MGAM: variants seen among roughly 807,000 people sequenced by gnomAD.
MGAM encodes the protein alpha-1,4-glucosidase.
In MGAM, 253 loss-of-function variants were observed where a neutral mutation model predicts 358.8. The ratio of observed to expected loss-of-function variants is 0.71; its 90% confidence interval spans 0.64 to 0.78. The LOEUF is 0.78. Ranked by LOEUF, MGAM falls within the 30% of genes least tolerant of loss-of-function variation. MGAM has a pLI of 0.00. For missense variants in MGAM, 3,080 were observed against 3,432.6 expected, an observed-to-expected ratio of 0.90 and a Z score of 2.57; for synonymous variants, 1,105 against 1,227.1, an observed-to-expected ratio of 0.90 and a Z score of 2.08.
intron 36 of MGAM, 114 bp downstream of exon 36, chr7:142,063,700 G>C (rs997277274): frequency 8.3e-7 from 1 of 1,209,388 alleles, no homozygotes; most frequent in African/African-American, 1.5e-5. Context: ...TGGCTGCTGT[G>C]GTTTACTGGG....
intron 8 of MGAM, among the ~76,000 whole-genome samples, chr7:142,026,159 T>G (rs372472390): frequency 4.6e-5 from 7 of 152,210 alleles, no homozygotes; most frequent in African/African-American, 1.7e-4. Context: ...GAATGGTGAT[T>G]GGCACATAGA....
upstream of MGAM, among the ~76,000 whole-genome samples, chr7:141,995,608 T>A (rs782194930): frequency 6.6e-5 from 10 of 152,166 alleles, no homozygotes; most frequent in Non-Finnish European, 1.3e-4. Flanking sequence ...TGTGTTCTCT[T>A]ACCAGACATA....
chr7:142,065,952 TGTTTTGTTTTG>T (rs1812705984), intron 40 of MGAM, 121 bp downstream of exon 40: 1 of 677,560 alleles, frequency 1.5e-6, no homozygotes, highest in African/African-American at 2.2e-5. Flanking sequence ...TGTTTTTTTT[TGTTTTGTTTTG>T]TTTTGTTTTT....
Position 142,041,974 on chromosome 7 carries a change from A to C in MGAM, c.2498+1128A>C, listed in dbSNP as rs1351627572. 2.6e-4 allele frequency among the ~76,000 whole-genome samples: 7 copies of C among 26,422 alleles called. 1 individual carries two copies. The highest frequency in any genetic ancestry group is 4.8e-4 in the Non-Finnish European group (7 of 14,544). 17.3% of individuals were successfully genotyped at this position (26,422 alleles called of 152,430 possible). On this transcript the variant is annotated intron_variant, in intron 21 of 70. Transcript: ENST00000475668. Reference sequence around the variant, plus strand: ...CATATATATAATATATATATATTATATATATATAATATAATATATATATAT... The same window carrying C: ...CATATATATAATATATATATATTATCTATATATAATATAATATATATATAT...
At position 142,036,274 on chromosome 7, in the gene MGAM, C is replaced by T. The variant is rs1554465805; in HGVS notation, c.2065C>T (p.Gln689Ter). Residue 689 changes from glutamine (Q) to a stop codon, truncating the protein, a stop_gained, in exon 17 of 71, where the codon CAA (glutamine) becomes TAA (stop). Transcript: ENST00000475668. LOFTEE classifies it high-confidence loss of function. ...TCCGTTTTCTAGAAATCACAATGGC[C>T]AAGGCTACAAGGTAAGGCTCCTAGG... ...FYPFSRNHNG[Q>*]GYKDQDPASF... 1.9e-6 allele frequency: 3 copies of T among 1,603,070 alleles called. No individual in the cohort carries two copies. Among genetic ancestry groups the T allele is most frequent in the Non-Finnish European group, 2.6e-6 (3 of 1,174,004 alleles).
intron 18 of MGAM, among the ~76,000 whole-genome samples, chr7:142,037,870 C>T (rs1184625466): frequency 6.6e-6 from 1 of 152,050 alleles, no homozygotes; most frequent in Non-Finnish European, 1.5e-5. Flanking sequence ...TATCCATCCC[C>T]TCGAGCATTT....
At chr7:141,988,712 TTC>T (rs1391555900) in intron 2 of MGAM, among the ~76,000 whole-genome samples, 1 of 152,224 alleles carries the variant, frequency 6.6e-6, no homozygotes, top group Non-Finnish European at 1.5e-5. Flanking sequence ...ATTCCTAAAA[TTC>T]TCTCTGTACT....
chr7:142,007,662 C>G (rs775374186), intron 2 of MGAM, among the ~76,000 whole-genome samples: 4 of 152,138 alleles, frequency 2.6e-5, no homozygotes, highest in Non-Finnish European at 5.9e-5. Context: ...AAGCTCACCT[C>G]CTTATTTTAG....
chr7:142,018,699 G>A (rs1554457156), intron 3 of MGAM, among the ~76,000 whole-genome samples: 1 of 152,154 alleles, frequency 6.6e-6, no homozygotes, highest in African/African-American at 2.4e-5. Context: ...CTCTGGAGGA[G>A]TTGAGAGACT....
At position 142,056,888 on chromosome 7, in the gene MGAM, C is replaced by T. The variant is rs762583459; in HGVS notation, c.3639C>T (p.Asp1213=). The change falls in exon 30 of 71, where the codon GAC becomes GAT. Residue 1213 remains aspartate, a synonymous_variant. Coordinates refer to ENST00000475668, the MANE Select transcript of MGAM (RefSeq NM_001365693.1). ...ACCGCACCACAGGGGGAGTTCTGGA[C>T]TTTTATGTGTTCTTGGGGCCGACTC... ...LTYRTTGGVL[D]FYVFLGPTPE... 6.8e-6 allele frequency: 11 copies of T among 1,613,862 alleles called. No homozygotes were observed. Among genetic ancestry groups the T allele is most frequent in the Admixed American group, 6.7e-5 (4 of 60,006 alleles).
intron 10 of MGAM, among the ~76,000 whole-genome samples, chr7:142,028,539 A>C (rs1554461784): frequency 1.3e-5 from 2 of 152,176 alleles, no homozygotes; most frequent in Non-Finnish European, 1.5e-5. Context: ...ATGTGACTAC[A>C]TGGATGTGAA....
Position 142,025,030 on chromosome 7 carries a change from T to A in MGAM, c.883-20T>A. The stretch of plus-strand genomic sequence containing the variant: ...AGACTTCTTAGTTGTAAATTTTGGT[T>A]TTTAATTCTCTTTCTGCAGAACGGA... On this transcript the variant is annotated intron_variant, in intron 7 of 70. Transcript: ENST00000475668. 6.2e-7 allele frequency: 1 copy of A among 1,606,298 alleles called. No homozygotes were observed. The highest frequency in any genetic ancestry group is 8.5e-7 in the Non-Finnish European group (1 of 1,173,670).
rs190699321 is a variant in MGAM at position 142,065,716 on chromosome 7, C to T, written c.4655C>T (p.Thr1552Met). Reference protein sequence around the residue: ...MEFSLFGISYTGADICGFFQD... With the variant: ...MEFSLFGISYMGADICGFFQD... Reference sequence around the variant, plus strand: ...TCCTTTTATTTCCTCTTGTTTCAGACGGGAGCAGATATCTGTGGGTTCTTT... The same window carrying T: ...TCCTTTTATTTCCTCTTGTTTCAGATGGGAGCAGATATCTGTGGGTTCTTT... The change falls in exon 40 of 71, where the codon ACG becomes ATG. Residue 1552 changes from threonine (T) to methionine (M), a missense_variant and splice_region_variant. Physicochemically the swap from Thr to Met is moderately conservative, Grantham distance 81. Around this residue, in one of 5 missense-constraint regions of MGAM, gnomAD observed 134 missense variants for 198.4 expected, o/e 0.68. Transcript: ENST00000475668. 1.8e-3 allele frequency: 2,895 copies of T among 1,590,130 alleles called. 120 individuals are homozygous for T. Among genetic ancestry groups the T allele is most frequent in the Non-Finnish European group, 2.2e-3 (2,503 of 1,160,618 alleles).
chr7:141,989,676 A>G (rs1803861501), intron 2 of MGAM, among the ~76,000 whole-genome samples: 2 of 151,670 alleles, frequency 1.3e-5, no homozygotes, highest in Admixed American at 6.6e-5. Flanking sequence ...TTGCTGCTGT[A>G]TGGAGGCTGA....
intron 46 of MGAM, 119 bp downstream of exon 46, chr7:142,076,371 G>A (rs1219861130): frequency 1.9e-6 from 2 of 1,054,768 alleles, no homozygotes; most frequent in African/African-American, 1.5e-5. Flanking sequence ...GGCTATAGGT[G>A]AGCACATTTC....
chr7:142,081,375 T>C (rs1443259966), intron 50 of MGAM, among the ~76,000 whole-genome samples: 2 of 145,342 alleles, frequency 1.4e-5, no homozygotes, highest in Non-Finnish European at 3.1e-5. Flanking sequence ...GGGGTCAGAG[T>C]AGATCTCGCC....
intron 1 of MGAM, among the ~76,000 whole-genome samples, chr7:142,002,087 T>C (rs1011693803): frequency 6.6e-6 from 1 of 152,126 alleles, no homozygotes; most frequent in Admixed American, 6.6e-5. Flanking sequence ...CACCTTCTCT[T>C]CTGAGAAGAA....
chr7:142,097,468 C>A, intron 65 of MGAM, 125 bp from the exon 66 acceptor site: 1 of 880,926 alleles, frequency 1.1e-6, no homozygotes. Context: ...AATAGGTGAC[C>A]TCCTGGGACA....
At chr7:142,011,229 G>A (rs972568825) in intron 3 of MGAM, among the ~76,000 whole-genome samples, 4 of 152,204 alleles carry the variant, frequency 2.6e-5, no homozygotes, top group Non-Finnish European at 4.4e-5. Flanking sequence ...CTTTTACAGC[G>A]AACACACTTG....
Sources: allele counts gnomAD v4.1 joint callset (sites outside exome capture counted in the v4.1 genomes callset), GRCh38; gene constraint gnomAD v4.1.1; regional missense constraint gnomAD v4.1.1; transcripts MANE v1.5; gene names NCBI Gene and HGNC (gene_info 2026-07-23, HGNC 2026-07-21).